Variants in SFXN5 observed in about 807,000 individuals in gnomAD.
SFXN5 encodes sideroflexin 5, also known as sideroflexin-5.
A neutral mutation model predicts 50.2 loss-of-function variants in SFXN5; 43 were observed. The observed-to-expected ratio is 0.86, with a 90% CI of 0.67 to 1.11. The LOEUF (loss-of-function observed/expected upper bound fraction) is 1.11. Among genes scored for constraint, SFXN5 ranks in the 50% least tolerant of loss-of-function variants. SFXN5 has a pLI of 0.00. For missense variants in SFXN5, 463 were observed against 454.1 expected (o/e 1.02, Z -0.18); for synonymous variants, 203 against 185.8 (o/e 1.09, Z -0.75).
chr2:73,029,971 C>G (rs1678087738), intron 3 of SFXN5, among the ~76,000 whole-genome samples: 1 of 152,056 alleles, frequency 6.6e-6, no homozygotes, highest in Non-Finnish European at 1.5e-5. Flanking sequence ...ACTTGGGAGG[C>G]TGAGGAAGGA....
chr2:73,021,768 T>C (rs1168301923), intron 5 of SFXN5, among the ~76,000 whole-genome samples: 6 of 152,174 alleles, frequency 3.9e-5, no homozygotes, highest in Admixed American at 1.3e-4. Context: ...CTGTGCCCCA[T>C]TGCACTGAGA....
chr2:73,070,024 G>A (rs1267955059), intron 1 of SFXN5, among the ~76,000 whole-genome samples: 1 of 152,174 alleles, frequency 6.6e-6, no homozygotes, highest in Non-Finnish European at 1.5e-5. Flanking sequence ...GAGCTATGAG[G>A]ATCTGACTCA....
rs112790141 is a variant in SFXN5 at position 73,067,903 on chromosome 2, T to C, written c.102+3701A>G. Reference sequence around the variant, plus strand: ...AATCTGTTTGTGTGCTGTAGTTTTCTTACCCATAAATTGGAGATCATTGCA... The same window carrying C: ...AATCTGTTTGTGTGCTGTAGTTTTCCTACCCATAAATTGGAGATCATTGCA... On this transcript the variant is annotated intron_variant, in intron 1 of 13. Coordinates refer to ENST00000272433, the MANE Select transcript of SFXN5 (RefSeq NM_144579.3). Among the ~76,000 whole-genome samples the C allele has an allele frequency of 1.9e-3, 288 of 152,334 alleles. 3 individuals carry two copies. The highest frequency in any genetic ancestry group is 6.8e-3 in the Middle Eastern group (2 of 294).
intron 9 of SFXN5, among the ~76,000 whole-genome samples, chr2:72,989,825 A>T (rs758340943): frequency 5.3e-5 from 8 of 152,200 alleles, no homozygotes; most frequent in Non-Finnish European, 8.8e-5. Flanking sequence ...GCTTCCCCAG[A>T]CAGAGGCCAA....
chr2:73,015,321 G>T (rs1367013188), intron 6 of SFXN5, among the ~76,000 whole-genome samples: 1 of 152,088 alleles, frequency 6.6e-6, no homozygotes, highest in Non-Finnish European at 1.5e-5. Flanking sequence ...GATGTACTTT[G>T]ATGCATTGCT....
intron 6 of SFXN5, among the ~76,000 whole-genome samples, chr2:73,019,029 C>A (rs1293453318): frequency 6.6e-6 from 1 of 152,098 alleles, no homozygotes. Flanking sequence ...ACTAGAAAAA[C>A]CCAAATGTTC....
intron 10 of SFXN5, among the ~76,000 whole-genome samples, chr2:72,980,558 A>G (rs1196810849): frequency 1.3e-5 from 2 of 152,116 alleles, no homozygotes; most frequent in Non-Finnish European, 2.9e-5. Flanking sequence ...GAGTTTCACA[A>G]CCCATATTGA....
At chr2:73,010,077 T>C (rs1424114962) in intron 6 of SFXN5, among the ~76,000 whole-genome samples, 1 of 152,236 alleles carries the variant, frequency 6.6e-6, no homozygotes, top group Non-Finnish European at 1.5e-5. Context: ...AAATTGTATA[T>C]CTTTTAAAGT....
chr2:72,949,514 C>T (rs1672303866), intron 13 of SFXN5, among the ~76,000 whole-genome samples: 1 of 152,086 alleles, frequency 6.6e-6, no homozygotes, highest in Non-Finnish European at 1.5e-5. Flanking sequence ...CAGGGTCTCG[C>T]TATGTTGTCC....
At chr2:72,955,884 G>T (rs186492708) in intron 13 of SFXN5, among the ~76,000 whole-genome samples, 197 of 152,346 alleles carry the variant, frequency 1.3e-3, no homozygotes, top group African/African-American at 4.5e-3. Context: ...TACCACAAGG[G>T]AGGCACCCAG....
intron 9 of SFXN5, among the ~76,000 whole-genome samples, chr2:72,991,290 C>A (rs892236747): frequency 2.0e-5 from 3 of 152,192 alleles, no homozygotes; most frequent in South Asian, 4.1e-4. Flanking sequence ...TTTCTTCTGG[C>A]CTCTCCTTCC....
chr2:72,985,110 T>C (rs769657203), intron 10 of SFXN5, among the ~76,000 whole-genome samples: 1 of 152,112 alleles, frequency 6.6e-6, no homozygotes, highest in Non-Finnish European at 1.5e-5. Context: ...AGAGCTTAAA[T>C]ATGATCACTG....
chr2:73,019,364 G>A (rs558938484), intron 6 of SFXN5: 9 of 152,186 alleles, frequency 5.9e-5, no homozygotes, highest in African/African-American at 2.2e-4. Flanking sequence ...TCAGTTGGGA[G>A]GGTGTTATAC....
chr2:72,951,493 T>C (rs1371703894), intron 13 of SFXN5, among the ~76,000 whole-genome samples: 1 of 152,098 alleles, frequency 6.6e-6, no homozygotes, highest in Non-Finnish European at 1.5e-5. Context: ...CAGGAATGCA[T>C]TTGGGGCCAC....
intron 6 of SFXN5, among the ~76,000 whole-genome samples, chr2:73,009,556 T>C (rs1363176080): frequency 1.3e-5 from 2 of 152,230 alleles, no homozygotes; most frequent in Non-Finnish European, 2.9e-5. Context: ...ATTTCAGTTC[T>C]GGCTGCCTCG....
chr2:73,044,809 G>T (rs1174926322), intron 2 of SFXN5, among the ~76,000 whole-genome samples: 2 of 152,202 alleles, frequency 1.3e-5, no homozygotes, highest in African/African-American at 2.4e-5. Flanking sequence ...TTTGAGAGGG[G>T]TATGGTCTCC....
chr2:72,988,777 C>G (rs942298047), intron 9 of SFXN5, among the ~76,000 whole-genome samples: 1 of 152,170 alleles, frequency 6.6e-6, no homozygotes, highest in Non-Finnish European at 1.5e-5. Flanking sequence ...TTTCTGAAAC[C>G]CCATGGTACA....
At chr2:72,971,836 T>A (rs750564517) in intron 10 of SFXN5, 151 bp from the exon 11 acceptor site, 24 of 591,872 alleles carry the variant, frequency 4.1e-5, no homozygotes, top group Non-Finnish European at 6.6e-5. Flanking sequence ...CTGTTGTCCA[T>A]CTGCCTATCA....
At chr2:73,006,907 A>T (rs1674750577) in intron 6 of SFXN5, among the ~76,000 whole-genome samples, 1 of 152,244 alleles carries the variant, frequency 6.6e-6, no homozygotes, top group African/African-American at 2.4e-5. Flanking sequence ...GAAGAGGGGC[A>T]GTTTGTGCTT....
Sources: gnomAD v4.1 joint callset for allele counts (sites outside exome capture counted in the v4.1 genomes callset) on GRCh38, gnomAD v4.1.1 for gene constraint, MANE v1.5 for transcripts, NCBI Gene and HGNC (gene_info 2026-07-23, HGNC 2026-07-21) for gene names.